The following SLC25A40 variants were observed in gnomAD, a reference collection of about 807,000 sequenced individuals.
SLC25A40 encodes solute carrier family 25 member 40, also known as mitochondrial glutathione transporter SLC25A40.
A neutral mutation model predicts 46.5 loss-of-function variants in SLC25A40; 41 were observed. The ratio of observed to expected loss-of-function variants is 0.88; its 90% CI spans 0.69 to 1.14. SLC25A40 has a LOEUF of 1.14. Among genes scored for constraint, SLC25A40 ranks in the 50% most tolerant of loss-of-function variants. The pLI is 0.00. For missense variants in SLC25A40, 386 were observed against 393.6 expected, an observed-to-expected ratio of 0.98 and a Z score of 0.16; for synonymous variants, 126 against 127.5, an observed-to-expected ratio of 0.99 and a Z score of 0.08.
chr7:87,836,230 T>A lies in SLC25A40; in HGVS notation c.*19A>T. 6.7e-7 allele frequency: 1 copy of A among 1,498,860 alleles called. No individual in the cohort carries two copies. Among genetic ancestry groups the A allele is most frequent in the Non-Finnish European group, 9.1e-7 (1 of 1,096,104 alleles). The allele number at this position is 1,498,860 out of a possible 1,614,324, so 92.8% of individuals were successfully genotyped here. Reference sequence around the variant, plus strand: ...ATCTTCTTTGGCTATAGTTGTTGTTTCAAGTTGAAACAGCATCACTAGTAT... The same window carrying A: ...ATCTTCTTTGGCTATAGTTGTTGTTACAAGTTGAAACAGCATCACTAGTAT... On this transcript the variant is annotated 3_prime_UTR_variant, in exon 12 of 12. Transcript: ENST00000341119.
intron 1 of SLC25A40, among the ~76,000 whole-genome samples, chr7:87,875,800 GC>G (rs1838995248): frequency 6.6e-6 from 1 of 152,196 alleles, no homozygotes; most frequent in Non-Finnish European, 1.5e-5. Context: ...CTGCGGTGGC[GC>G]TGCCGTCAAG....
chr7:87,842,334 T>G (rs1476900266), intron 9 of SLC25A40: 1 of 152,904 alleles, frequency 6.5e-6, no homozygotes, highest in Non-Finnish European at 1.5e-5. Context: ...TTTACATTTT[T>G]TCCACAATGC....
rs1222273531 is a variant in SLC25A40, at chr7:87,833,914, T to A, written c.*2335A>T. ...GCAGTTAAATAACCATAATGAATAG[T>A]TTTCCTAGAAAAAAAAATATTGCCT... is the stretch of plus-strand genomic sequence containing the variant. On this transcript the variant is annotated 3_prime_UTR_variant, in exon 12 of 12. Coordinates refer to ENST00000341119, the MANE Select transcript of SLC25A40 (RefSeq NM_018843.4). 1 of 151,670 alleles carries A rather than the reference T, an allele frequency of 6.6e-6. No homozygotes were observed. The highest frequency in any genetic ancestry group is 2.4e-5 in the African/African-American group (1 of 41,306). The allele number at this position is 151,670 out of a possible 1,614,324, so 9.4% of individuals were successfully genotyped here. A position where few individuals can be genotyped will look rare whatever the true frequency, so the allele number is the denominator to read the frequency against.
At chr7:87,856,672 A>G (rs1458624978) in intron 3 of SLC25A40, among the ~76,000 whole-genome samples, 2 of 152,154 alleles carry the variant, frequency 1.3e-5, no homozygotes, top group African/African-American at 4.8e-5. Context: ...TAAAAGTTCC[A>G]AAAGACTTTG....
At chr7:87,864,074 T>C (rs982872323) in intron 1 of SLC25A40, among the ~76,000 whole-genome samples, 1 of 152,246 alleles carries the variant, frequency 6.6e-6, no homozygotes, top group Non-Finnish European at 1.5e-5. Flanking sequence ...TAAATGTCAG[T>C]TAGGGCTGTG....
chr7:87,847,839 G>A lies in SLC25A40; in HGVS notation c.457+14C>T, dbSNP rs769418019. The A allele has an allele frequency of 4.4e-6, 7 of 1,588,314 alleles. No individual in the cohort carries two copies. The highest frequency in any genetic ancestry group is 4.5e-5 in the East Asian group (2 of 44,412). On this transcript the variant is annotated intron_variant, in intron 7 of 11. Transcript: ENST00000341119. ...AAACAGAAATCAAAATGAAAATAAAGATTTATTACTCACATCTGGCTACAA... is the reference window on the plus strand; with the variant it reads ...AAACAGAAATCAAAATGAAAATAAAAATTTATTACTCACATCTGGCTACAA...
chr7:87,855,491 CTG>C (rs1281544364), intron 4 of SLC25A40, among the ~76,000 whole-genome samples: 1 of 151,884 alleles, frequency 6.6e-6, no homozygotes, highest in Non-Finnish European at 1.5e-5. Flanking sequence ...ACTGGACTAA[CTG>C]TTGCCAAAAT....
At position 87,834,077 on chromosome 7, in the gene SLC25A40, CTG is replaced by C. The variant is rs1383401669; in HGVS notation, c.*2170_*2171del. The C allele has an allele frequency of 6.6e-6, 1 of 151,804 alleles. No homozygotes were observed. The highest frequency in any genetic ancestry group is 1.5e-5 in the Non-Finnish European group (1 of 67,884). 9.4% of individuals were successfully genotyped at this position (151,804 alleles called of 1,614,324 possible). ...AAATTTAACATTAATAGAATAAAAA[CTG>C]TTTTAGAAACATCACCAAGAACACT... On this transcript the variant is annotated 3_prime_UTR_variant, in exon 12 of 12. Transcript: ENST00000341119.
chr7:87,843,673 A>G (rs1838368749), intron 9 of SLC25A40, 81 bp downstream of exon 9: 1 of 1,025,690 alleles, frequency 9.7e-7, no homozygotes, highest in Non-Finnish European at 1.5e-6. Context: ...GGATCTCAAT[A>G]TACATGAGAT....
At chr7:87,839,484 A>G (rs1277503194) in intron 10 of SLC25A40, among the ~76,000 whole-genome samples, 1 of 151,370 alleles carries the variant, frequency 6.6e-6, no homozygotes, top group African/African-American at 2.4e-5. Context: ...AAAATATTAA[A>G]TGTGTTCAGA....
At chr7:87,839,899 G>A (rs1015249214) in intron 10 of SLC25A40, among the ~76,000 whole-genome samples, 13 of 151,684 alleles carry the variant, frequency 8.6e-5, no homozygotes, top group African/African-American at 3.1e-4. Context: ...TTAGAGAGAA[G>A]GGATTTGGTA....
rs1838217320 is a variant in SLC25A40, at chr7:87,833,580, T to TATC, written c.*2666_*2668dup. 1 of 152,006 alleles carries TATC rather than the reference T, an allele frequency of 6.6e-6. No homozygotes were observed. The highest frequency in any genetic ancestry group is 1.9e-4 in the East Asian group (1 of 5,188). The allele number at this position is 152,006 out of a possible 1,614,324, so 9.4% of individuals were successfully genotyped here. ...GACAGATTAAATATAAAAGCAGTAA[T>TATC]ATCTTTTATTTAAAAAGTTCATCTT... On this transcript the variant is annotated 3_prime_UTR_variant, in exon 12 of 12. Coordinates refer to ENST00000341119, the MANE Select transcript of SLC25A40 (RefSeq NM_018843.4).
At chr7:87,854,387 C>A in intron 4 of SLC25A40, 77 bp from the exon 5 acceptor site, 1 of 802,684 alleles carries the variant, frequency 1.2e-6, no homozygotes. Context: ...AAATTGACAT[C>A]ACAATGAGGA....
At chr7:87,875,959 C>G (rs1839002941) in intron 1 of SLC25A40, 137 bp downstream of exon 1, 1 of 152,376 alleles carries the variant, frequency 6.6e-6, no homozygotes, top group Admixed American at 6.5e-5. Context: ...GCGCGCTGAG[C>G]AGGGGCTGCG....
In SLC25A40 at chr7:87,839,896, GAA is replaced by G. The variant is rs1303533386; in HGVS notation, c.823+1735_823+1736del. On this transcript the variant is annotated intron_variant, in intron 10 of 11. Coordinates refer to ENST00000341119, the MANE Select transcript of SLC25A40 (RefSeq NM_018843.4). ...TCATATTTTCTTTTTTGCTTAGAGA[GAA>G]GGGATTTGGTATAGCTGAGCTGTGG... Among the ~76,000 whole-genome samples, 9 of 151,738 alleles carry G rather than the reference GAA, an allele frequency of 5.9e-5. No homozygotes were observed. The Admixed American group carries it at 5.9e-4, about 10-fold the overall frequency.
At chr7:87,852,544 A>C (rs769603918) in intron 5 of SLC25A40, among the ~76,000 whole-genome samples, 47 of 152,166 alleles carry the variant, frequency 3.1e-4, no homozygotes, top group Admixed American at 3.9e-4. Flanking sequence ...ACTCCAGCCT[A>C]GGTGACAGAG....
chr7:87,858,848 A>G (rs1838653091), intron 2 of SLC25A40, 97 bp from the exon 3 acceptor site: 1 of 668,852 alleles, frequency 1.5e-6, no homozygotes, highest in Non-Finnish European at 2.6e-6. Context: ...TCACATTAGT[A>G]AGACAACTAA....
intron 8 of SLC25A40, among the ~76,000 whole-genome samples, chr7:87,845,643 T>C (rs377539351): frequency 1.3e-5 from 2 of 152,050 alleles, no homozygotes; most frequent in East Asian, 1.9e-4. Context: ...ATCACTGCAA[T>C]AGGTGATGTT....
chr7:87,873,666 C>T (rs963979707), intron 1 of SLC25A40, among the ~76,000 whole-genome samples: 1 of 151,992 alleles, frequency 6.6e-6, no homozygotes, highest in East Asian at 1.9e-4. Flanking sequence ...CTTCTGACCT[C>T]GTGATCCGCC....
Sources: gnomAD v4.1 joint callset for allele counts (sites outside exome capture counted in the v4.1 genomes callset) on GRCh38, gnomAD v4.1.1 for gene constraint, MANE v1.5 for transcripts, NCBI Gene and HGNC (gene_info 2026-07-23, HGNC 2026-07-21) for gene names.